MTERF4: variants seen among roughly 807,000 people sequenced by gnomAD.
The protein encoded by MTERF4 is mitochondrial transcription termination factor 4.
In MTERF4, 17 loss-of-function variants were observed where a neutral mutation model predicts 22.5. That is an observed-to-expected ratio of 0.75 (90% confidence interval 0.52 to 1.13). MTERF4 has a LOEUF of 1.13. Among genes scored for constraint, MTERF4 ranks in the 50% most tolerant of loss-of-function variants. MTERF4 has a pLI of 0.00. For missense variants in MTERF4, 420 were observed against 466.8 expected (o/e 0.90, Z 0.92); for synonymous variants, 165 against 175.3 (o/e 0.94, Z 0.47).
intron 1 of MTERF4, chr2:241,101,248 A>C (rs1261346220): frequency 4.4e-6 from 2 of 456,270 alleles, no homozygotes; most frequent in South Asian, 3.1e-5. Context: ...ACAGTGACAG[A>C]TCATCGGGCA....
At chr2:241,050,364 C>G in the MTERF4 span, among the ~76,000 whole-genome samples, 6 of 152,146 alleles carry the variant, frequency 3.9e-5, no homozygotes, top group Admixed American at 3.9e-4. Flanking sequence ...CCCGCCAGGC[C>G]CCACCCAGGA....
rs1263168206 is a variant in MTERF4, at chr2:241,096,208, C to T, written c.936G>A (p.Glu312=). 4 of 1,614,182 alleles carry T rather than the reference C, an allele frequency of 2.5e-6. No individual in the cohort carries two copies. Among genetic ancestry groups the T allele is most frequent in the Non-Finnish European group, 3.4e-6 (4 of 1,180,032 alleles). The change falls in exon 4 of 4, where the codon GAG becomes GAA. Residue 312 remains glutamate, a synonymous_variant. Transcript: ENST00000391980. The surrounding 1 kb of genome is among the most constrained non-coding windows in gnomAD (Gnocchi z 5.1). ...CCAGGAGCTTCTTAAAAACTTGAAA[C>T]TCCTCAACAGAAGTACAGGCTGTCC... ...LARTACTSVE[E]FQVFKKLLAR...
At chr2:241,072,321 C>G (rs2062771734) in exon 5 of MTERF4, 1 of 421,812 alleles carries the variant, frequency 2.4e-6, no homozygotes, top group Non-Finnish European at 4.7e-6. Context: ...CCGGTGGCAG[C>G]AAGGCTGATG....
chr2:241,087,324 C>A, downstream of MTERF4: 1 of 1,471,894 alleles, frequency 6.8e-7, no homozygotes, highest in Non-Finnish European at 9.2e-7. Flanking sequence ...GTTCACATAG[C>A]CTAGGTTAAG....
At chr2:241,063,956 TCCCTCCC>T in the MTERF4 span, 1 of 1,290,468 alleles carries the variant, frequency 7.7e-7, no homozygotes, top group Non-Finnish European at 1.1e-6. Flanking sequence ...TGTCCTCTCC[TCCCTCCC>T]CCAGACTCCC....
chr2:241,080,096 A>G (rs921132224), intron 4 of MTERF4, among the ~76,000 whole-genome samples: 1 of 152,074 alleles, frequency 6.6e-6, no homozygotes, highest in Non-Finnish European at 1.5e-5. Flanking sequence ...TCCAGCCTGG[A>G]CAACATGGTG....
At chr2:241,068,568 C>T (rs2062564716), downstream of MTERF4, among the ~76,000 whole-genome samples, 1 of 152,102 alleles carries the variant, frequency 6.6e-6, no homozygotes, top group African/African-American at 2.4e-5. The surrounding 1 kb of genome is among the most constrained non-coding windows in gnomAD (Gnocchi z 5.3). Flanking sequence ...TGAGAATTTA[C>T]ATCAACTCAC....
intron 1 of MTERF4, 48 bp downstream of exon 1, chr2:241,102,205 C>T (rs1048869963): frequency 2.0e-5 from 31 of 1,547,574 alleles, no homozygotes; most frequent in Non-Finnish European, 2.7e-5. Flanking sequence ...GCGTCGCTGC[C>T]CGCCCGCCTG....
chr2:241,065,191 C>T, the MTERF4 span: 7 of 1,155,908 alleles, frequency 6.1e-6, no homozygotes, highest in East Asian at 2.5e-5. Flanking sequence ...CCAGCGATGG[C>T]TGTGTCAGGC....
chr2:241,062,254 C>T, the MTERF4 span, among the ~76,000 whole-genome samples: 1 of 152,222 alleles, frequency 6.6e-6, no homozygotes, highest in African/African-American at 2.4e-5. Context: ...ATTCAGCATT[C>T]TGGCTGCCGG....
At chr2:241,070,043 A>G, downstream of MTERF4, 1 of 1,613,052 alleles carries the variant, frequency 6.2e-7, no homozygotes, top group Non-Finnish European at 8.5e-7. Context: ...ACCACCAGCC[A>G]GAGCACCAAG....
chr2:241,072,993 C>A, exon 5 of MTERF4: 1 of 491,666 alleles, frequency 2.0e-6, no homozygotes, highest in South Asian at 4.0e-5. Context: ...TGGGGCCTCT[C>A]AGCATGATCA....
intron 4 of MTERF4, among the ~76,000 whole-genome samples, chr2:241,079,658 A>G (rs1559307141): frequency 6.6e-6 from 1 of 152,154 alleles, no homozygotes; most frequent in African/African-American, 2.4e-5. Context: ...TAAAAACAAT[A>G]AAAAGAAAAG....
At chr2:241,058,679 G>A in the MTERF4 span, among the ~76,000 whole-genome samples, 2 of 152,190 alleles carry the variant, frequency 1.3e-5, no homozygotes, top group East Asian at 1.9e-4. Context: ...GGCCGGGCGC[G>A]GTGGCTCATG....
At chr2:241,071,610 G>A (rs73110197), downstream of MTERF4, 16,015 of 1,587,964 alleles carry the variant, frequency 0.01, 1,350 homozygotes, top group African/African-American at 0.19. Context: ...GCTGGCACCA[G>A]GGAGGACACC....
At chr2:241,051,110 C>T in the MTERF4 span, among the ~76,000 whole-genome samples, 2 of 152,220 alleles carry the variant, frequency 1.3e-5, no homozygotes, top group African/African-American at 2.4e-5. The surrounding 1 kb of genome is among the most constrained non-coding windows in gnomAD (Gnocchi z 4.7). Flanking sequence ...GCAGGCCCCT[C>T]CCGCCACTCA....
At chr2:241,081,364 C>T (rs74000358) in intron 4 of MTERF4, among the ~76,000 whole-genome samples, 15,058 of 152,206 alleles carry the variant, frequency 0.099, 957 homozygotes, top group African/African-American at 0.18. Flanking sequence ...GGGCTCAGCA[C>T]TGAAGGCCCC....
chr2:241,068,223 A>G (rs1051732908), downstream of MTERF4, among the ~76,000 whole-genome samples: 1 of 152,018 alleles, frequency 6.6e-6, no homozygotes, highest in East Asian at 1.9e-4. The surrounding 1 kb of genome is among the most constrained non-coding windows in gnomAD (Gnocchi z 5.3). Flanking sequence ...CCGGGGGCAC[A>G]CTTTCCACAC....
chr2:241,084,611 C>G (rs1280617061), downstream of MTERF4, among the ~76,000 whole-genome samples: 1 of 152,202 alleles, frequency 6.6e-6, no homozygotes, highest in East Asian at 1.9e-4. Flanking sequence ...TCCACATATG[C>G]TGTGAACTGC....
Sources: allele counts gnomAD v4.1 joint callset (sites outside exome capture counted in the v4.1 genomes callset), GRCh38; gene constraint gnomAD v4.1.1; non-coding constraint Gnocchi (gnomAD v3.1); transcripts MANE v1.5; gene names NCBI Gene and HGNC (gene_info 2026-07-23, HGNC 2026-07-21).